UBN1: variants seen among roughly 807,000 people sequenced by gnomAD.
UBN1 encodes the protein ubinuclein-1.
In UBN1, 17 loss-of-function variants were observed where a neutral mutation model predicts 108.5. That is an observed-to-expected ratio of 0.16 (90% confidence interval 0.11 to 0.24). The LOEUF (loss-of-function observed/expected upper bound fraction) is 0.24, where lower values mean the gene tolerates loss of function less well. Among genes scored for constraint, UBN1 ranks in the 10% least tolerant of loss-of-function variants. The probability of loss-of-function intolerance (pLI) is 1.00; values close to 1 mark genes in which losing one functional copy is unlikely to be tolerated. For missense variants in UBN1, 1,595 were observed against 1,394.4 expected, an observed-to-expected ratio of 1.14 and a Z score of -2.29; for synonymous variants, 726 against 564.2, an observed-to-expected ratio of 1.29 and a Z score of -4.07.
intron 7 of UBN1, among the ~76,000 whole-genome samples, chr16:4,863,505 G>A (rs971788811): frequency 6.6e-6 from 1 of 152,158 alleles, no homozygotes; most frequent in Admixed American, 6.5e-5. Context: ...GTCCATCCTA[G>A]ATCTTGAAAT....
At chr16:4,875,751 C>T (rs972521764) in intron 15 of UBN1, among the ~76,000 whole-genome samples, 3 of 152,138 alleles carry the variant, frequency 2.0e-5, no homozygotes. Context: ...TTCCGTGACC[C>T]CTTGCCTCTC....
rs773229120 is a variant in UBN1 at position 4,875,443 on chromosome 16, CTG to C, written c.3024+11_3024+12del. 12 of 1,601,266 alleles carry C rather than the reference CTG, an allele frequency of 7.5e-6. No individual in the cohort carries two copies. Among genetic ancestry groups the C allele is most frequent in the Non-Finnish European group, 1.0e-5 (12 of 1,171,772 alleles). On this transcript the variant is annotated intron_variant, in intron 15 of 17. Coordinates refer to ENST00000262376, the MANE Select transcript of UBN1 (RefSeq NM_001079514.3). ...CGTCTACCTCCTTGTCAGTGAGTAT[CTG>C]TCATAGCAGCCTGCCCTGCCCCACT...
At chr16:4,848,285 A>G (rs1393853890) in intron 1 of UBN1, 75 bp downstream of exon 1, 2 of 152,348 alleles carry the variant, frequency 1.3e-5, no homozygotes, top group Admixed American at 6.5e-5. Context: ...AGTTGTGACA[A>G]CAGGAAGACA....
intron 7 of UBN1, among the ~76,000 whole-genome samples, chr16:4,866,648 G>A (rs2087347036): frequency 6.6e-6 from 1 of 152,316 alleles, no homozygotes; most frequent in South Asian, 2.1e-4. Flanking sequence ...GAGTAGTTGG[G>A]ACCACAGGCA....
In UBN1 at chr16:4,852,931, A is replaced by C. The variant is rs1280312677; in HGVS notation, c.14A>C (p.His5Pro). The stretch of plus-strand genomic sequence containing the variant: ...TTGTTGGTAGCCATGTCGGAGCCCC[A>C]CAGGGTCCAGTTCACCTCTCTCCCA... MSEP[H>P]RVQFTSLPGS... Residue 5 changes from histidine to proline, a missense_variant, in exon 2 of 18, where the codon CAC becomes CCC. Coordinates refer to ENST00000262376, the MANE Select transcript of UBN1 (RefSeq NM_001079514.3). The C allele has an allele frequency of 6.2e-7, 1 of 1,613,860 alleles. No homozygotes were observed. Among genetic ancestry groups the C allele is most frequent in the Non-Finnish European group, 8.5e-7 (1 of 1,179,928 alleles).
chr16:4,874,492 A>G lies in UBN1; in HGVS notation c.2082A>G (p.Thr694=). Residue 694 remains threonine, a synonymous_variant, in exon 15 of 18, where the codon ACA becomes ACG. Coordinates refer to ENST00000262376, the MANE Select transcript of UBN1 (RefSeq NM_001079514.3). ...GAGCAGCTGGGAACTCTGAATTCACACTGCCTGCACCCTCAAAAGCACCTG... is the reference window on the plus strand; with the variant it reads ...GAGCAGCTGGGAACTCTGAATTCACGCTGCCTGCACCCTCAAAAGCACCTG... ...NSRAAGNSEF[T]LPAPSKAPAE... 1.2e-6 allele frequency: 2 copies of G among 1,614,230 alleles called. No individual in the cohort carries two copies. Among genetic ancestry groups the G allele is most frequent in the South Asian group, 1.1e-5 (1 of 91,086 alleles).
Position 4,849,771 on chromosome 16 carries a change from T to A in UBN1, c.-40+1561T>A, listed in dbSNP as rs188488805. On this transcript the variant is annotated intron_variant, in intron 1 of 17. Coordinates refer to ENST00000262376, the MANE Select transcript of UBN1 (RefSeq NM_001079514.3). ...CCATACCTGGCTAATTTAAAAAAAATTTTTTTGTGCAGATGAAGTCTCATC... is the reference window on the plus strand; with the variant it reads ...CCATACCTGGCTAATTTAAAAAAAAATTTTTTGTGCAGATGAAGTCTCATC... 1.6e-3 allele frequency among the ~76,000 whole-genome samples: 235 copies of A among 151,514 alleles called. 3 individuals carry two copies. Among genetic ancestry groups the A allele is most frequent in the Non-Finnish European group, 1.1e-3 (74 of 67,880 alleles).
intron 4 of UBN1, 30 bp downstream of exon 4, chr16:4,858,693 AC>A: frequency 6.2e-7 from 1 of 1,603,300 alleles, no homozygotes. Flanking sequence ...GCCGTGTCAG[AC>A]CCACTGTACC....
chr16:4,853,204 C>T lies in UBN1; in HGVS notation c.249+38C>T, dbSNP rs371468303. 2.2e-4 allele frequency: 349 copies of T among 1,608,454 alleles called. 2 individuals carry two copies. The highest frequency in any genetic ancestry group is 3.2e-4 in the South Asian group (29 of 90,576). On this transcript the variant is annotated intron_variant, in intron 2 of 17. Coordinates refer to ENST00000262376, the MANE Select transcript of UBN1 (RefSeq NM_001079514.3). The stretch of plus-strand genomic sequence containing the variant: ...GTTCCCAGAGGCGCTGCAGGTTTAA[C>T]GCACAGGGGTCAGTGCATGCATGTG...
chr16:4,861,125 G>C, intron 7 of UBN1, 23 bp downstream of exon 7: 1 of 1,593,466 alleles, frequency 6.3e-7, no homozygotes, highest in Non-Finnish European at 8.5e-7. Flanking sequence ...AGTGCGGCTG[G>C]GCTTTCCTGG....
Position 4,871,223 on chromosome 16 carries a change from A to G in UBN1, c.1628A>G (p.Gln543Arg). Reference sequence around the variant, plus strand: ...GACCTGGAGAGGAACAACAAAGCCCAGGCTTGGGAGGACTGTGTGAAGGGC... The same window carrying G: ...GACCTGGAGAGGAACAACAAAGCCCGGGCTTGGGAGGACTGTGTGAAGGGC... The part of the protein sequence containing the change: ...SQDLERNNKA[Q>R]AWEDCVKGFL... The change falls in exon 12 of 18, where the codon CAG becomes CGG. Residue 543 changes from glutamine to arginine, a missense_variant. By Grantham distance (43) the Gln-to-Arg change is conservative. Coordinates refer to ENST00000262376, the MANE Select transcript of UBN1 (RefSeq NM_001079514.3). 1.2e-6 allele frequency: 2 copies of G among 1,614,244 alleles called. No individual in the cohort carries two copies. Among genetic ancestry groups the G allele is most frequent in the Non-Finnish European group, 1.7e-6 (2 of 1,180,030 alleles).
At chr16:4,864,640 T>C (rs1210839237) in intron 7 of UBN1, among the ~76,000 whole-genome samples, 1 of 152,220 alleles carries the variant, frequency 6.6e-6, no homozygotes, top group East Asian at 1.9e-4. Context: ...TTGATGCTCC[T>C]TTGGGTTATT....
In UBN1 at chr16:4,863,580, C is replaced by T. The variant is rs139575701; in HGVS notation, c.1110+2478C>T. ...TGTAACTGGGACATTAGCAGTGTTA[C>T]GTGTTTCTCACTTTATTTTTTATAC... On this transcript the variant is annotated intron_variant, in intron 7 of 17. Transcript: ENST00000262376. Among the ~76,000 whole-genome samples the T allele has an allele frequency of 7.9e-5, 12 of 152,226 alleles. No individual in the cohort carries two copies. In the East Asian group the frequency reaches 1.3e-3, roughly 17 times the overall value.
At chr16:4,873,664 G>T (rs1337996691) in intron 14 of UBN1, among the ~76,000 whole-genome samples, 1 of 152,156 alleles carries the variant, frequency 6.6e-6, no homozygotes, top group African/African-American at 2.4e-5. Context: ...TATCTGTTGA[G>T]CTCCCACAAT....
In UBN1 at chr16:4,875,113, T is replaced by C. The variant is rs117064643; in HGVS notation, c.2703T>C (p.Asn901=). The change falls in exon 15 of 18, where the codon AAT becomes AAC. Residue 901 remains asparagine (N), a synonymous_variant. Coordinates refer to ENST00000262376, the MANE Select transcript of UBN1 (RefSeq NM_001079514.3). The stretch of plus-strand genomic sequence containing the variant: ...GCTCTGCAGGCTCATCTTACAAGAA[T>C]AATCCCTTTGCCAGCTCAATCTCCA... ...SVSSAGSSYK[N]NPFASSISKH... 2.2e-3 allele frequency: 3,515 copies of C among 1,614,198 alleles called. 9 individuals carry two copies. The highest frequency in any genetic ancestry group is 2.7e-3 in the Non-Finnish European group (3,206 of 1,180,036).
At position 4,875,117 on chromosome 16, in the gene UBN1, C is replaced by T. The variant is rs746762978; in HGVS notation, c.2707C>T (p.Pro903Ser). Residue 903 changes from proline to serine, a missense_variant, in exon 15 of 18, where the codon CCC (proline) becomes TCC (serine). Transcript: ENST00000262376. The stretch of plus-strand genomic sequence containing the variant: ...TGCAGGCTCATCTTACAAGAATAAT[C>T]CCTTTGCCAGCTCAATCTCCAAACA... Reference protein sequence around the residue: ...SSAGSSYKNNPFASSISKHGV... With the variant: ...SSAGSSYKNNSFASSISKHGV... 1.9e-6 allele frequency: 3 copies of T among 1,614,208 alleles called. No individual in the cohort carries two copies. The highest frequency in any genetic ancestry group is 2.5e-6 in the Non-Finnish European group (3 of 1,180,042).
rs773356502 is a variant in UBN1 at position 4,857,987 on chromosome 16, C to T, written c.250-3C>T. 20 of 1,607,056 alleles carry T rather than the reference C, an allele frequency of 1.2e-5. No homozygotes were observed. Among genetic ancestry groups the T allele is most frequent in the Non-Finnish European group, 1.4e-5 (17 of 1,176,372 alleles). On this transcript the variant is annotated splice_region_variant and splice_polypyrimidine_tract_variant and intron_variant, in intron 2 of 17. Transcript: ENST00000262376. ...TATTTTTTGTGGAACGATCTCTTTACAGAAGAAAGATCTGTCAGATCCTTT... is the reference window on the plus strand; with the variant it reads ...TATTTTTTGTGGAACGATCTCTTTATAGAAGAAAGATCTGTCAGATCCTTT...
chr16:4,854,250 G>C (rs2086690617), intron 2 of UBN1, among the ~76,000 whole-genome samples: 1 of 151,186 alleles, frequency 6.6e-6, no homozygotes, highest in South Asian at 2.1e-4. Context: ...AGTCAGGGTG[G>C]TCTCGATCTC....
Position 4,853,149 on chromosome 16 carries a change from C to T in UBN1, c.232C>T (p.Leu78Phe), listed in dbSNP as rs56902810. ...VKNIRGKVKG[L>F]QPGDKKKDLS... is the part of the protein sequence containing the mutation. ...GAATATCCGAGGGAAGGTAAAAGGC[C>T]TTCAGCCTGGAGATAAGGTACACCC... The change falls in exon 2 of 18, where the codon CTT becomes TTT. Residue 78 changes from leucine to phenylalanine, a missense_variant. Coordinates refer to ENST00000262376, the MANE Select transcript of UBN1 (RefSeq NM_001079514.3). 1 of 1,614,174 alleles carries T rather than the reference C, an allele frequency of 6.2e-7. No homozygotes were observed. Among genetic ancestry groups the T allele is most frequent in the South Asian group, 1.1e-5 (1 of 91,086 alleles).
Sources: allele counts gnomAD v4.1 joint callset (sites outside exome capture counted in the v4.1 genomes callset), GRCh38; gene constraint gnomAD v4.1.1; transcripts MANE v1.5; gene names NCBI Gene and HGNC (gene_info 2026-07-23, HGNC 2026-07-21).